DGKB: variants seen among roughly 807,000 people sequenced by gnomAD.
The protein encoded by DGKB is diacylglycerol kinase beta.
A neutral mutation model predicts 114.3 loss-of-function variants in DGKB; 67 were observed. That is an observed-to-expected ratio of 0.59 (90% confidence interval 0.48 to 0.72). The LOEUF (loss-of-function observed/expected upper bound fraction) is 0.72, where lower values mean the gene tolerates loss of function less well. DGKB is among the 30% of genes least tolerant of loss of function. The pLI is 0.00. For synonymous variants in DGKB, 398 were observed against 323.1 expected, an observed-to-expected ratio of 1.23 and a Z score of -2.49; for missense variants, 907 against 975.2, an observed-to-expected ratio of 0.93 and a Z score of 0.93.
chr7:14,234,593 C>T (rs1792472983), intron 23 of DGKB, among the ~76,000 whole-genome samples: 1 of 152,034 alleles, frequency 6.6e-6, no homozygotes, highest in African/African-American at 2.4e-5. Flanking sequence ...TTTATGCAAA[C>T]ATAGATTTAA....
chr7:14,522,938 GT>G (rs911318424), intron 20 of DGKB, among the ~76,000 whole-genome samples: 1 of 152,100 alleles, frequency 6.6e-6, no homozygotes, highest in African/African-American at 2.4e-5. Flanking sequence ...AATTGGCCTA[GT>G]TTTTCACTAA....
At chr7:14,590,503 C>T (rs1288964275) in intron 17 of DGKB, among the ~76,000 whole-genome samples, 1 of 152,064 alleles carries the variant, frequency 6.6e-6, no homozygotes, top group African/African-American at 2.4e-5. Flanking sequence ...ATTGGTTCTT[C>T]AGCAGCATCC....
intron 1 of DGKB, among the ~76,000 whole-genome samples, chr7:14,867,634 T>C (rs1851876492): frequency 6.6e-6 from 1 of 152,154 alleles, no homozygotes; most frequent in Non-Finnish European, 1.5e-5. Context: ...CCTCTAAATA[T>C]GTATAAATTA....
intron 13 of DGKB, among the ~76,000 whole-genome samples, chr7:14,671,878 A>G (rs752599419): frequency 1.3e-5 from 2 of 152,164 alleles, no homozygotes; most frequent in Non-Finnish European, 2.9e-5. Context: ...GTATTTTTAT[A>G]TGGCTCTCAT....
intron 23 of DGKB, among the ~76,000 whole-genome samples, chr7:14,313,703 G>A (rs964055454): frequency 5.3e-5 from 8 of 152,246 alleles, no homozygotes; most frequent in African/African-American, 1.9e-4. Context: ...CGAGGCTGGG[G>A]GAGGGGCGCC....
chr7:14,235,385 G>T (rs745980066), intron 23 of DGKB, among the ~76,000 whole-genome samples: 1 of 151,958 alleles, frequency 6.6e-6, no homozygotes. Flanking sequence ...CATCTGTTTT[G>T]CTTGGAACAG....
intron 2 of DGKB, among the ~76,000 whole-genome samples, chr7:14,826,374 G>A (rs1412294395): frequency 6.6e-6 from 1 of 152,028 alleles, no homozygotes; most frequent in Non-Finnish European, 1.5e-5. Flanking sequence ...GTTGATTCCA[G>A]GAATTACCAT....
intron 2 of DGKB, among the ~76,000 whole-genome samples, chr7:14,783,165 A>T (rs1222013636): frequency 6.6e-6 from 1 of 152,218 alleles, no homozygotes; most frequent in Non-Finnish European, 1.5e-5. Flanking sequence ...AACATATAGT[A>T]ACAAGATTAA....
intron 2 of DGKB, among the ~76,000 whole-genome samples, chr7:14,802,415 C>T (rs561785699): frequency 6.6e-6 from 1 of 152,110 alleles, no homozygotes; most frequent in South Asian, 2.1e-4. Context: ...AAAAGCTACT[C>T]AGCTTAATAA....
intron 2 of DGKB, among the ~76,000 whole-genome samples, chr7:14,797,782 G>A (rs1586581974): frequency 6.6e-6 from 1 of 152,196 alleles, no homozygotes; most frequent in East Asian, 1.9e-4. Flanking sequence ...ATTGTTTGGT[G>A]AGTGGGAGGG....
At chr7:14,597,052 A>G (rs534187435) in intron 17 of DGKB, among the ~76,000 whole-genome samples, 4 of 152,304 alleles carry the variant, frequency 2.6e-5, no homozygotes, top group African/African-American at 9.6e-5. Context: ...ACATCTTACT[A>G]TAGCATAATA....
At chr7:14,654,734 A>G (rs1201327170) in intron 13 of DGKB, among the ~76,000 whole-genome samples, 1 of 152,028 alleles carries the variant, frequency 6.6e-6, no homozygotes, top group Non-Finnish European at 1.5e-5. Flanking sequence ...TGTATTTTAC[A>G]GTCAACTCAC....
At chr7:14,529,279 G>A (rs1414755314) in intron 20 of DGKB, among the ~76,000 whole-genome samples, 1 of 151,810 alleles carries the variant, frequency 6.6e-6, no homozygotes, top group Non-Finnish European at 1.5e-5. Flanking sequence ...TTTGAAGATG[G>A]GCAAGAAGAG....
chr7:14,279,396 T>G (rs1799541939), intron 23 of DGKB, among the ~76,000 whole-genome samples: 1 of 152,144 alleles, frequency 6.6e-6, no homozygotes. Context: ...CAAGGAGGCC[T>G]GCCTGCCTCT....
intron 21 of DGKB, among the ~76,000 whole-genome samples, chr7:14,371,825 G>A (rs563413157): frequency 6.6e-6 from 1 of 152,208 alleles, no homozygotes; most frequent in Admixed American, 6.5e-5. Flanking sequence ...TAGCAATGAG[G>A]GAGAGCACAA....
intron 21 of DGKB, among the ~76,000 whole-genome samples, chr7:14,456,493 A>G (rs1832304431): frequency 6.6e-6 from 1 of 152,100 alleles, no homozygotes; most frequent in Non-Finnish European, 1.5e-5. Context: ...TTCAAAGATG[A>G]AATTGCACTC....
At position 14,649,177 on chromosome 7, in the gene DGKB, G is replaced by C. The variant is rs1243799106; in HGVS notation, c.1135-18909C>G. 1.0e-3 allele frequency among the ~76,000 whole-genome samples: 133 copies of C among 128,180 alleles called. 1 individual carries two copies. The highest frequency in any genetic ancestry group is 1.6e-3 in the Non-Finnish European group (98 of 61,190). The allele number at this position is 128,180 out of a possible 152,430, so 84.1% of individuals were successfully genotyped here. A position where few individuals can be genotyped will look rare whatever the true frequency, so the allele number is the denominator to read the frequency against. ...AAGATACTCCTCGAGAAGGGCAACT[G>C]TAAGACACATAATTGTCAGATTCAC... On this transcript the variant is annotated intron_variant, in intron 13 of 25. Coordinates refer to ENST00000402815, the MANE Select transcript of DGKB (RefSeq NM_001350709.2).
In DGKB at chr7:14,670,517, G is replaced by C. The variant is rs559602282; in HGVS notation, c.1134+2412C>G. ...TGGGGTTTCACCATGTTGGCCAGGG[G>C]GGGTCTTGAACTCCTGACCTCAAGT... On this transcript the variant is annotated intron_variant, in intron 13 of 25. Coordinates refer to ENST00000402815, the MANE Select transcript of DGKB (RefSeq NM_001350709.2). 3.3e-5 allele frequency among the ~76,000 whole-genome samples: 5 copies of C among 151,858 alleles called. No homozygotes were observed. The South Asian group carries it at 1.0e-3, about 32-fold the overall frequency.
chr7:14,645,543 T>C (rs1812789049), intron 13 of DGKB, among the ~76,000 whole-genome samples: 1 of 151,896 alleles, frequency 6.6e-6, no homozygotes, highest in African/African-American at 2.4e-5. Flanking sequence ...CACAACACTA[T>C]CTGAGGCACA....
Sources: gnomAD v4.1 joint callset for allele counts (sites outside exome capture counted in the v4.1 genomes callset) on GRCh38, gnomAD v4.1.1 for gene constraint, MANE v1.5 for transcripts, NCBI Gene and HGNC (gene_info 2026-07-23, HGNC 2026-07-21) for gene names.